Variants in ZNF608 observed in about 807,000 individuals in gnomAD.
ZNF608 encodes the protein zinc finger protein 608.
A neutral mutation model predicts 109.0 loss-of-function variants in ZNF608; 12 were observed. The observed-to-expected ratio is 0.11, with a 90% confidence interval of 0.07 to 0.18. The LOEUF is 0.18. Ranked by LOEUF, ZNF608 falls within the 10% of genes least tolerant of loss-of-function variation. The probability of loss-of-function intolerance (pLI) is 1.00; values close to 1 mark genes in which losing one functional copy is unlikely to be tolerated. For synonymous variants in ZNF608, 732 were observed against 717.4 expected, an observed-to-expected ratio of 1.02 and a Z score of -0.33; for missense variants, 1,707 against 1,879.3, an observed-to-expected ratio of 0.91 and a Z score of 1.70.
chr5:124,712,301 T>C (rs1327798164), intron 2 of ZNF608, among the ~76,000 whole-genome samples: 2 of 152,082 alleles, frequency 1.3e-5, no homozygotes, highest in African/African-American at 2.4e-5. Flanking sequence ...GGTGACAGTG[T>C]CATGGCCTGG....
intron 3 of ZNF608, among the ~76,000 whole-genome samples, chr5:124,656,921 T>C (rs1751037071): frequency 6.6e-6 from 1 of 151,574 alleles, no homozygotes; most frequent in Non-Finnish European, 1.5e-5. Flanking sequence ...GCCACTTCCA[T>C]CACTGTCACC....
At chr5:124,691,773 G>A (rs1310091792) in intron 3 of ZNF608, among the ~76,000 whole-genome samples, 1 of 152,218 alleles carries the variant, frequency 6.6e-6, no homozygotes, top group African/African-American at 2.4e-5. Context: ...GGCCAAGGCA[G>A]AAGCAGAGTG....
rs763590336 is a variant in ZNF608 at position 124,647,380 on chromosome 5, G to A, written c.3004C>T (p.Pro1002Ser). ...TGCATGTAACTTGGAGAATAATAAG[G>A]ATCATAGCTGTGGTAATAGGGAGAA... ...SHSPYYHSYD[P>S]YYSPSYMHPG... is the part of the protein sequence containing the mutation. Residue 1002 changes from proline (P) to serine (S), a missense_variant, in exon 5 of 10, where the codon CCT becomes TCT. By Grantham distance (74) the Pro-to-Ser change is moderately conservative. Coordinates refer to ENST00000513986, the MANE Select transcript of ZNF608 (RefSeq NM_020747.3). 4 of 1,614,208 alleles carry A rather than the reference G, an allele frequency of 2.5e-6. No homozygotes were observed. Among genetic ancestry groups the A allele is most frequent in the Non-Finnish European group, 3.4e-6 (4 of 1,180,028 alleles).
chr5:124,644,529 C>G lies in ZNF608; in HGVS notation c.3838G>C (p.Gly1280Arg). ...AACGATACAGGAAGGCTGGGCACAC[C>G]ACTCTCTTTATTAGGAGTTTTCCTC... ...SPRKTPNKES[G>R]VPSLPVSLTS... Residue 1280 changes from glycine to arginine, a missense_variant, in exon 6 of 10, where the codon GGT becomes CGT. Physicochemically the swap from Gly to Arg is moderately radical, Grantham distance 125. Coordinates refer to ENST00000513986, the MANE Select transcript of ZNF608 (RefSeq NM_020747.3). The G allele has an allele frequency of 6.2e-7, 1 of 1,614,140 alleles. No individual in the cohort carries two copies. The highest frequency in any genetic ancestry group is 8.5e-7 in the Non-Finnish European group (1 of 1,180,024).
intron 2 of ZNF608, among the ~76,000 whole-genome samples, chr5:124,716,142 C>CAAAAAAAAAAAA (rs1232356378): frequency 2.7e-5 from 2 of 73,962 alleles, no homozygotes; most frequent in Non-Finnish European, 2.8e-5. Context: ...GAATCCGTCT[C>CAAAAAAAAAAAA]AAAAAAAAAA....
At chr5:124,674,807 A>C (rs914811643) in intron 3 of ZNF608, among the ~76,000 whole-genome samples, 43 of 151,956 alleles carry the variant, frequency 2.8e-4, no homozygotes, top group African/African-American at 8.2e-4. Context: ...TAGAGATAGG[A>C]TCTTACTTTG....
chr5:124,733,194 AT>A (rs2149894360), intron 2 of ZNF608, among the ~76,000 whole-genome samples: 1 of 139,918 alleles, frequency 7.1e-6, no homozygotes, highest in East Asian at 2.1e-4. Context: ...CAATTAAACC[AT>A]TCATTCTCTC....
chr5:124,716,002 G>A (rs1753679668), intron 2 of ZNF608, among the ~76,000 whole-genome samples: 2 of 151,954 alleles, frequency 1.3e-5, no homozygotes, highest in African/African-American at 4.8e-5. Flanking sequence ...AATTAGCCGG[G>A]CGTGGTGGCG....
At chr5:124,639,571 G>A (rs1750143338) in intron 8 of ZNF608, among the ~76,000 whole-genome samples, 5 of 152,182 alleles carry the variant, frequency 3.3e-5, no homozygotes, top group Admixed American at 6.5e-5. Flanking sequence ...TACAGAAGCG[G>A]CATGCTATTT....
chr5:124,659,905 T>G (rs1282051115), intron 3 of ZNF608, among the ~76,000 whole-genome samples: 1 of 152,206 alleles, frequency 6.6e-6, no homozygotes, highest in Non-Finnish European at 1.5e-5. Flanking sequence ...ATGCTTTATT[T>G]AAAGTCAGAG....
intron 3 of ZNF608, among the ~76,000 whole-genome samples, chr5:124,689,182 G>A (rs943961031): frequency 2.0e-5 from 3 of 152,192 alleles, no homozygotes; most frequent in Non-Finnish European, 4.4e-5. Context: ...AGGATCACTT[G>A]AGCCCAAGAG....
chr5:124,724,242 A>T (rs1754049515), intron 2 of ZNF608, among the ~76,000 whole-genome samples: 3 of 152,214 alleles, frequency 2.0e-5, no homozygotes, highest in African/African-American at 7.2e-5. Context: ...ACATACGGGG[A>T]CTATTTCGAG....
At chr5:124,673,399 T>C (rs202079918) in intron 3 of ZNF608, among the ~76,000 whole-genome samples, 1 of 152,250 alleles carries the variant, frequency 6.6e-6, no homozygotes, top group East Asian at 1.9e-4. Flanking sequence ...AAGCAGTTTG[T>C]ACATTTTTTG....
chr5:124,731,488 G>C (rs1030368003), intron 2 of ZNF608, among the ~76,000 whole-genome samples: 1 of 151,860 alleles, frequency 6.6e-6, no homozygotes, highest in Non-Finnish European at 1.5e-5. Context: ...TGGGATTACA[G>C]GCGTGAGCCA....
rs567346943 is a variant in ZNF608 at position 124,679,275 on chromosome 5, G to T, written c.1162+21739C>A. ...CCTGTGTAGGACTTGAGCAACATGG[G>T]AGGGAGCGGGGACAGAAGTGGGAAG... On this transcript the variant is annotated intron_variant, in intron 3 of 9. Transcript: ENST00000513986. 5.3e-5 allele frequency among the ~76,000 whole-genome samples: 8 copies of T among 152,306 alleles called. No individual in the cohort carries two copies. The South Asian group carries it at 1.7e-3, about 32-fold the overall frequency.
chr5:124,637,092 T>A lies in ZNF608; in HGVS notation c.*808A>T, dbSNP rs1251462625. 4.8e-5 allele frequency: 7 copies of A among 145,400 alleles called. No individual in the cohort carries two copies. Among genetic ancestry groups the A allele is most frequent in the Non-Finnish European group, 7.5e-5 (5 of 66,684 alleles). 9.0% of individuals were successfully genotyped at this position (145,400 alleles called of 1,614,324 possible). ...TCTAAAACTGGATAATTGTAAACATTAAAAAAAAAAAAAGACTGTAGAACT... is the reference window on the plus strand; with the variant it reads ...TCTAAAACTGGATAATTGTAAACATAAAAAAAAAAAAAAGACTGTAGAACT... On this transcript the variant is annotated 3_prime_UTR_variant, in exon 10 of 10. Transcript: ENST00000513986.
chr5:124,639,154 C>A lies in ZNF608; in HGVS notation c.4511G>T (p.Gly1504Val). ...TTACCTTCTTTGTCCAGGAAACATTCCAGATGCAGATGCCTGGGCAGCCAC... is the reference window on the plus strand; with the variant it reads ...TTACCTTCTTTGTCCAGGAAACATTACAGATGCAGATGCCTGGGCAGCCAC... ...QQVAAQASAS[G>V]MFPGQRRE The change falls in exon 9 of 10, where the codon GGA (glycine) becomes GTA (valine). Residue 1504 changes from glycine (G) to valine (V), a missense_variant. Around this residue, in one of 7 missense-constraint regions of ZNF608, gnomAD observed 1,073 missense variants for 1,133.5 expected, o/e 0.95. Transcript: ENST00000513986. 1 of 1,614,178 alleles carries A rather than the reference C, an allele frequency of 6.2e-7. No individual in the cohort carries two copies. Among genetic ancestry groups the A allele is most frequent in the Non-Finnish European group, 8.5e-7 (1 of 1,180,010 alleles).
At chr5:124,719,694 G>T (rs1221645156) in intron 2 of ZNF608, among the ~76,000 whole-genome samples, 7 of 152,146 alleles carry the variant, frequency 4.6e-5, no homozygotes, top group African/African-American at 1.7e-4. Context: ...CTTAATCTGG[G>T]GTTCAAAGAT....
intron 2 of ZNF608, among the ~76,000 whole-genome samples, chr5:124,743,854 A>AAGCAGCAGC (rs144751589): frequency 6.6e-5 from 10 of 151,178 alleles, no homozygotes; most frequent in African/African-American, 1.2e-4. Flanking sequence ...CTAGCATCAC[A>AAGCAGCAGC]AGCAGCAGCA....
Sources: gnomAD v4.1 joint callset for allele counts (sites outside exome capture counted in the v4.1 genomes callset) on GRCh38, gnomAD v4.1.1 for gene constraint, gnomAD v4.1.1 regional missense constraint, MANE v1.5 for transcripts, NCBI Gene and HGNC (gene_info 2026-07-23, HGNC 2026-07-21) for gene names.